The following EPS8 variants were observed in gnomAD, a reference collection of about 807,000 sequenced individuals.
EPS8 encodes the protein EGFR pathway substrate 8, signaling adaptor.
In EPS8, 42 loss-of-function variants were observed where a neutral mutation model predicts 103.8. The observed-to-expected ratio is 0.40, with a 90% confidence interval of 0.32 to 0.52. The LOEUF (loss-of-function observed/expected upper bound fraction) is 0.52, where lower values mean the gene tolerates loss of function less well. Among genes scored for constraint, EPS8 ranks in the 20% least tolerant of loss-of-function variants. The probability of loss-of-function intolerance (pLI) is 0.40; values close to 1 mark genes in which losing one functional copy is unlikely to be tolerated. For synonymous variants in EPS8, 344 were observed against 344.6 expected (o/e 1.00, Z 0.02); for missense variants, 969 against 1,005.1 (o/e 0.96, Z 0.49).
rs541348903 is a variant in EPS8 at position 15,706,376 on chromosome 12, C to G, written c.-21-23404G>C. On this transcript the variant is annotated intron_variant, in intron 1 of 20. Coordinates refer to ENST00000281172, the MANE Select transcript of EPS8 (RefSeq NM_004447.6). The surrounding 1 kb of genome is among the most constrained non-coding windows in gnomAD (Gnocchi z 5.2). ...TCTTCCTTCCTCGAGGCCTATCACA[C>G]TTGTCTAGAATAATTATCTTTTATA... Among the ~76,000 whole-genome samples, 22 of 152,316 alleles carry G rather than the reference C, an allele frequency of 1.4e-4. No homozygotes were observed. Among genetic ancestry groups the G allele is most frequent in the Middle Eastern group, 3.4e-3 (1 of 294 alleles).
chr12:15,752,458 A>G lies in EPS8; in HGVS notation c.-22+36703T>C, dbSNP rs1365321390. On this transcript the variant is annotated intron_variant, in intron 1 of 20. Coordinates refer to ENST00000281172, the MANE Select transcript of EPS8 (RefSeq NM_004447.6). This position sits in a 1 kb window ranked among gnomAD's most constrained non-coding sequence, Gnocchi z 4.4. Reference sequence around the variant, plus strand: ...CAAGACTCCATCTCAAAAAAAAAACAAAAACAAAAAAAATAAAAATAAATT... The same window carrying G: ...CAAGACTCCATCTCAAAAAAAAAACGAAAACAAAAAAAATAAAAATAAATT... Among the ~76,000 whole-genome samples, 1 of 151,876 alleles carries G rather than the reference A, an allele frequency of 6.6e-6. No individual in the cohort carries two copies. The highest frequency in any genetic ancestry group is 1.5e-5 in the Non-Finnish European group (1 of 67,980).
rs1219188386 is a variant in EPS8 at position 15,672,504 on chromosome 12, C to G, written c.137-1581G>C. 15 of 398,182 alleles carry G rather than the reference C, an allele frequency of 3.8e-5. No homozygotes were observed. The East Asian group carries it at 5.4e-4, about 14-fold the overall frequency. The allele number at this position is 398,182 out of a possible 1,614,324, so 24.7% of individuals were successfully genotyped here. On this transcript the variant is annotated intron_variant, in intron 3 of 20. Transcript: ENST00000281172. ...CCTGAGGAAGTATGATCCATCTGGT[C>G]CTACCAAAATAATGTCATCAAAAAG...
rs970608903 is a variant in EPS8, at chr12:15,713,034, G to T, written c.-21-30062C>A. The T allele has an allele frequency of 5.1e-6, 5 of 981,178 alleles. No homozygotes were observed. The African/African-American group carries it at 8.7e-5, about 17-fold the overall frequency. 60.8% of individuals were successfully genotyped at this position (981,178 alleles called of 1,614,324 possible). A position where few individuals can be genotyped will look rare whatever the true frequency, so the allele number is the denominator to read the frequency against. On this transcript the variant is annotated intron_variant, in intron 1 of 20. Transcript: ENST00000281172. The surrounding 1 kb of genome is among the most constrained non-coding windows in gnomAD (Gnocchi z 4.8). Reference sequence around the variant, plus strand: ...ATTTCTGATTTGGTTTCTCTAGGGCGTTAACTAAGATTTCCTCCTCTTGTT... The same window carrying T: ...ATTTCTGATTTGGTTTCTCTAGGGCTTTAACTAAGATTTCCTCCTCTTGTT...
At chr12:15,666,391 C>A (rs756419597) in intron 7 of EPS8, 49 bp downstream of exon 7, 2 of 1,398,582 alleles carry the variant, frequency 1.4e-6, no homozygotes, top group African/African-American at 2.8e-5. Flanking sequence ...GGGAAAAAAG[C>A]CTTAGAAACA....
intron 10 of EPS8, among the ~76,000 whole-genome samples, chr12:15,658,877 C>T (rs1945554613): frequency 6.6e-6 from 1 of 152,118 alleles, no homozygotes; most frequent in African/African-American, 2.4e-5. Flanking sequence ...AAGCCCTGCT[C>T]TAAGGGCCTT....
intron 1 of EPS8, among the ~76,000 whole-genome samples, chr12:15,765,927 C>T (rs188373284): frequency 1.2e-3 from 175 of 151,164 alleles, no homozygotes; most frequent in African/African-American, 4.1e-3. Context: ...GATTCTCCTG[C>T]CTCAGCCTCC....
At chr12:15,756,252 T>C (rs1946985399) in intron 1 of EPS8, among the ~76,000 whole-genome samples, 1 of 152,190 alleles carries the variant, frequency 6.6e-6, no homozygotes, top group South Asian at 2.1e-4. Context: ...CAAAGTAGTC[T>C]AGACAACAGG....
At chr12:15,709,362 C>A (rs901861012) in intron 1 of EPS8, among the ~76,000 whole-genome samples, 4 of 151,944 alleles carry the variant, frequency 2.6e-5, no homozygotes, top group African/African-American at 9.7e-5. Flanking sequence ...TGGCAGTGGT[C>A]AGTAAACCTT....
intron 3 of EPS8, among the ~76,000 whole-genome samples, chr12:15,678,625 A>C (rs1248477675): frequency 6.6e-6 from 1 of 152,188 alleles, no homozygotes; most frequent in African/African-American, 2.4e-5. Flanking sequence ...AAGGGGGAAA[A>C]TAAAAATTAA....
rs1947296944 is a variant in EPS8, at chr12:15,785,006, T to C, written c.-22+4155A>G. On this transcript the variant is annotated intron_variant, in intron 1 of 20. Transcript: ENST00000281172. This position sits in a 1 kb window ranked among gnomAD's most constrained non-coding sequence, Gnocchi z 4.9. ...CAGGGGATTTGTAATGTGTTGAAAT[T>C]ATTCGGTATGATACTATGATCCTAT... Among the ~76,000 whole-genome samples the C allele has an allele frequency of 6.6e-6, 1 of 152,076 alleles. No homozygotes were observed. Among genetic ancestry groups the C allele is most frequent in the African/African-American group, 2.4e-5 (1 of 41,430 alleles).
In EPS8 at chr12:15,700,202, G is replaced by A. The variant is rs546142104; in HGVS notation, c.-21-17230C>T. 2.6e-5 allele frequency among the ~76,000 whole-genome samples: 4 copies of A among 152,098 alleles called. No homozygotes were observed. The highest frequency in any genetic ancestry group is 7.2e-5 in the African/African-American group (3 of 41,510). ...GAAACTCTTCCCTAACCAACTCAAC[G>A]TTAACAATATCTAGTCAATTGGCAA... is the stretch of plus-strand genomic sequence containing the variant. On this transcript the variant is annotated intron_variant, in intron 1 of 20. Coordinates refer to ENST00000281172, the MANE Select transcript of EPS8 (RefSeq NM_004447.6). This position sits in a 1 kb window ranked among gnomAD's most constrained non-coding sequence, Gnocchi z 5.1.
In EPS8 at chr12:15,760,291, T is replaced by A. The variant is rs187601603; in HGVS notation, c.-22+28870A>T. 7.6e-4 allele frequency among the ~76,000 whole-genome samples: 115 copies of A among 151,936 alleles called. No homozygotes were observed. Among genetic ancestry groups the A allele is most frequent in the Non-Finnish European group, 1.4e-3 (94 of 67,864 alleles). On this transcript the variant is annotated intron_variant, in intron 1 of 20. Coordinates refer to ENST00000281172, the MANE Select transcript of EPS8 (RefSeq NM_004447.6). This position sits in a 1 kb window ranked among gnomAD's most constrained non-coding sequence, Gnocchi z 4.5. ...ACCTGAACAGACCAAAAATAAGTAA[T>A]AAAATTGAAGGTGTAATAAAAAATC...
intron 13 of EPS8, among the ~76,000 whole-genome samples, chr12:15,651,343 G>C (rs1332649994): frequency 1.3e-5 from 2 of 152,158 alleles, no homozygotes; most frequent in Non-Finnish European, 2.9e-5. Context: ...AGCTAGGAGT[G>C]TGATAAGTAT....
In EPS8 at chr12:15,759,030, A is replaced by T. The variant is rs569784363; in HGVS notation, c.-22+30131T>A. Among the ~76,000 whole-genome samples, 18 of 152,000 alleles carry T rather than the reference A, an allele frequency of 1.2e-4. 2 individuals carry two copies. Among genetic ancestry groups the T allele is most frequent in the African/African-American group, 4.1e-4 (17 of 41,394 alleles). ...GGATTCTTCTACAGATTTTTTTTTA[A>T]AATTTTTTAATTAAAAGATGCAGGG... On this transcript the variant is annotated intron_variant, in intron 1 of 20. Coordinates refer to ENST00000281172, the MANE Select transcript of EPS8 (RefSeq NM_004447.6). This position sits in a 1 kb window ranked among gnomAD's most constrained non-coding sequence, Gnocchi z 4.9.
At chr12:15,637,097 C>T (rs961901501) in intron 17 of EPS8, among the ~76,000 whole-genome samples, 2 of 152,184 alleles carry the variant, frequency 1.3e-5, no homozygotes, top group Non-Finnish European at 2.9e-5. Context: ...CTCGGCTCAC[C>T]GCATCCCCTG....
intron 17 of EPS8, among the ~76,000 whole-genome samples, chr12:15,638,480 TCAA>T (rs1209034081): frequency 2.6e-5 from 4 of 152,158 alleles, no homozygotes; most frequent in African/African-American, 9.7e-5. Context: ...AGTAGGGCCC[TCAA>T]CCTGAACAGC....
At position 15,752,134 on chromosome 12, in the gene EPS8, A is replaced by C. The variant is rs1946938963; in HGVS notation, c.-22+37027T>G. ...CAATGGTACTTGATATCAAGAAAGC[A>C]GCTCCTAATTAGAGCTATTAAAATT... On this transcript the variant is annotated intron_variant, in intron 1 of 20. Coordinates refer to ENST00000281172, the MANE Select transcript of EPS8 (RefSeq NM_004447.6). This position sits in a 1 kb window ranked among gnomAD's most constrained non-coding sequence, Gnocchi z 4.4. 6.6e-6 allele frequency among the ~76,000 whole-genome samples: 1 copy of C among 152,200 alleles called. No homozygotes were observed. Among genetic ancestry groups the C allele is most frequent in the South Asian group, 2.1e-4 (1 of 4,832 alleles).
rs1031758855 is a variant in EPS8, at chr12:15,717,505, T to G, written c.-21-34533A>C. On this transcript the variant is annotated intron_variant, in intron 1 of 20. Coordinates refer to ENST00000281172, the MANE Select transcript of EPS8 (RefSeq NM_004447.6). This position sits in a 1 kb window ranked among gnomAD's most constrained non-coding sequence, Gnocchi z 4.3. ...GGGAGGCTGAGGCAGCAGAATTGCT[T>G]AAGCCCCGGAGGCAGAGGTTGCAGT... Among the ~76,000 whole-genome samples the G allele has an allele frequency of 2.6e-5, 4 of 152,006 alleles. No individual in the cohort carries two copies. Among genetic ancestry groups the G allele is most frequent in the Non-Finnish European group, 4.4e-5 (3 of 68,006 alleles).
rs367783316 is a variant in EPS8 at position 15,756,572 on chromosome 12, A to G, written c.-22+32589T>C. 5.3e-5 allele frequency among the ~76,000 whole-genome samples: 8 copies of G among 152,306 alleles called. No homozygotes were observed. In the South Asian group the frequency reaches 8.3e-4, roughly 16 times the overall value. On this transcript the variant is annotated intron_variant, in intron 1 of 20. Transcript: ENST00000281172. The stretch of plus-strand genomic sequence containing the variant: ...GTATTAAAAAGCATGGTTCATCTAT[A>G]TAGAATTTACCCAATCAACAACTAT...
Sources: allele counts gnomAD v4.1 joint callset (sites outside exome capture counted in the v4.1 genomes callset), GRCh38; gene constraint gnomAD v4.1.1; non-coding constraint Gnocchi (gnomAD v3.1); transcripts MANE v1.5; gene names NCBI Gene and HGNC (gene_info 2026-07-23, HGNC 2026-07-21).